NRXN1: variants seen among roughly 807,000 people sequenced by gnomAD.
NRXN1 encodes neurexin-1.
In NRXN1, 39 loss-of-function variants were observed where a neutral mutation model predicts 150.9. The observed-to-expected ratio is 0.26, with a 90% CI of 0.20 to 0.34. The LOEUF is 0.34. Among genes scored for constraint, NRXN1 ranks in the 10% least tolerant of loss-of-function variants. NRXN1 has a pLI of 1.00. For synonymous variants in NRXN1, 924 were observed against 757.0 expected (o/e 1.22, Z -3.62); for missense variants, 1,815 against 1,949.9 (o/e 0.93, Z 1.30).
At chr2:50,018,697 G>T (rs188050354) in intron 21 of NRXN1, among the ~76,000 whole-genome samples, 23 of 152,286 alleles carry the variant, frequency 1.5e-4, no homozygotes, top group Non-Finnish European at 3.1e-4. Context: ...AAGGCTGCCA[G>T]TTATTTGTAA....
chr2:50,619,870 C>T, intron 8 of NRXN1, 152 bp downstream of exon 8: 1 of 598,072 alleles, frequency 1.7e-6, no homozygotes, highest in Non-Finnish European at 2.7e-6. Flanking sequence ...TGTTTCCCTC[C>T]CCCAATCCTA....
intron 8 of NRXN1, among the ~76,000 whole-genome samples, chr2:50,554,697 G>T (rs1362905366): frequency 6.6e-6 from 1 of 152,026 alleles, no homozygotes; most frequent in Non-Finnish European, 1.5e-5. Context: ...TTATCCATAG[G>T]AAAACATTTA....
intron 9 of NRXN1, among the ~76,000 whole-genome samples, chr2:50,552,157 C>T (rs1014563292): frequency 6.6e-6 from 1 of 152,144 alleles, no homozygotes; most frequent in African/African-American, 2.4e-5. Context: ...TAAAGTGTGA[C>T]GTGCCAAACT....
intron 18 of NRXN1, chr2:50,174,632 C>T (rs182605330): frequency 6.6e-6 from 1 of 152,174 alleles, no homozygotes; most frequent in Admixed American, 6.6e-5. Context: ...TTAGTTCTAT[C>T]ACTTATTAGC....
rs1322100169 is a variant in NRXN1, at chr2:50,508,307, G to A, written c.2375-1690C>T. 2.0e-5 allele frequency among the ~76,000 whole-genome samples: 3 copies of A among 151,718 alleles called. No individual in the cohort carries two copies. The East Asian group carries it at 5.8e-4, about 29-fold the overall frequency. ...GATACATGAATTTAAAACTATTCTA[G>A]ATATAACAGTTTTAAGAGATTGATG... On this transcript the variant is annotated intron_variant, in intron 12 of 22. Coordinates refer to ENST00000401669, the MANE Select transcript of NRXN1 (RefSeq NM_001330078.2).
chr2:50,248,395 T>C (rs756291526), intron 17 of NRXN1, among the ~76,000 whole-genome samples: 2 of 152,120 alleles, frequency 1.3e-5, no homozygotes. Context: ...TGAAATGAAG[T>C]AGAGTTTGAG....
chr2:50,105,603 A>G (rs1701529352), intron 18 of NRXN1, among the ~76,000 whole-genome samples: 1 of 152,068 alleles, frequency 6.6e-6, no homozygotes, highest in South Asian at 2.1e-4. Flanking sequence ...AAGAATACAT[A>G]ATCATCAAAA....
chr2:50,771,700 G>A (rs1703033023), intron 5 of NRXN1, among the ~76,000 whole-genome samples: 1 of 152,124 alleles, frequency 6.6e-6, no homozygotes, highest in Non-Finnish European at 1.5e-5. Context: ...TTCCGTGAAG[G>A]AAGTATTTAA....
At chr2:50,726,652 A>G (rs986922240) in intron 5 of NRXN1, among the ~76,000 whole-genome samples, 3 of 152,214 alleles carry the variant, frequency 2.0e-5, no homozygotes, top group Non-Finnish European at 4.4e-5. Context: ...CAACGTTACA[A>G]AAAAGTGACC....
chr2:50,273,048 T>A (rs1186181077), intron 17 of NRXN1, among the ~76,000 whole-genome samples: 1 of 152,090 alleles, frequency 6.6e-6, no homozygotes, highest in Non-Finnish European at 1.5e-5. Flanking sequence ...AAGAAGTGGC[T>A]CTAAACATAC....
intron 5 of NRXN1, among the ~76,000 whole-genome samples, chr2:50,718,897 G>A (rs1696231875): frequency 6.6e-6 from 1 of 151,690 alleles, no homozygotes; most frequent in Admixed American, 6.6e-5. Flanking sequence ...TCACTAAGCT[G>A]ATTAGATAAA....
At chr2:50,399,435 GT>G (rs2082253191) in intron 17 of NRXN1, among the ~76,000 whole-genome samples, 8 of 151,946 alleles carry the variant, frequency 5.3e-5, no homozygotes, top group Admixed American at 5.2e-4. Flanking sequence ...TTTCTTCTCG[GT>G]TTTTCCCTAT....
Position 50,472,059 on chromosome 2 carries a change from C to CA in NRXN1, c.3244+238dup, listed in dbSNP as rs3214378. Among the ~76,000 whole-genome samples the CA allele has an allele frequency of 0.55, 82,573 of 150,760 alleles. 22,909 individuals are homozygous for CA. Among genetic ancestry groups the CA allele is most frequent in the Middle Eastern group, 0.59 (172 of 294 alleles). On this transcript the variant is annotated intron_variant, in intron 16 of 22. Coordinates refer to ENST00000401669, the MANE Select transcript of NRXN1 (RefSeq NM_001330078.2). ...AAACAAAAACAAAAGCAAAAACAGG[C>CA]AAAAAAACCAAGATCCATAGATATA...
chr2:50,713,145 T>G (rs1350180757), intron 5 of NRXN1, among the ~76,000 whole-genome samples: 1 of 151,924 alleles, frequency 6.6e-6, no homozygotes, highest in Non-Finnish European at 1.5e-5. Flanking sequence ...AAACCCCATC[T>G]CTACTAAAAA....
intron 5 of NRXN1, among the ~76,000 whole-genome samples, chr2:50,838,153 C>T (rs914760652): frequency 2.0e-5 from 3 of 152,036 alleles, no homozygotes; most frequent in Admixed American, 6.6e-5. Context: ...TACTGAAATC[C>T]ATCTTTAGCC....
chr2:50,735,677 C>T (rs192431446), intron 5 of NRXN1, among the ~76,000 whole-genome samples: 3 of 152,230 alleles, frequency 2.0e-5, no homozygotes, highest in African/African-American at 4.8e-5. Context: ...AGCTATGCTA[C>T]GTCCCTCAAT....
intron 13 of NRXN1, among the ~76,000 whole-genome samples, chr2:50,502,829 G>C (rs1489764576): frequency 1.3e-5 from 2 of 152,082 alleles, no homozygotes; most frequent in African/African-American, 2.4e-5. Context: ...ATATATACTT[G>C]AATACATTTC....
chr2:50,095,184 C>A (rs1207368519), intron 18 of NRXN1, among the ~76,000 whole-genome samples: 2 of 152,118 alleles, frequency 1.3e-5, no homozygotes, highest in Non-Finnish European at 2.9e-5. Context: ...GAGGAGTAAG[C>A]TGATTTTACT....
intron 5 of NRXN1, among the ~76,000 whole-genome samples, chr2:50,699,558 T>G (rs1011374975): frequency 5.3e-5 from 8 of 151,900 alleles, no homozygotes; most frequent in Non-Finnish European, 1.5e-5. Flanking sequence ...CTGGAAAGCA[T>G]GAAATGGAAT....
Sources: gnomAD v4.1 joint callset for allele counts (sites outside exome capture counted in the v4.1 genomes callset) on GRCh38, gnomAD v4.1.1 for gene constraint, MANE v1.5 for transcripts, NCBI Gene and HGNC (gene_info 2026-07-23, HGNC 2026-07-21) for gene names.